The following PIK3C3 variants were observed in gnomAD, a reference collection of about 807,000 sequenced individuals.
The protein encoded by PIK3C3 is phosphatidylinositol 3-kinase catalytic subunit type 3.
PIK3C3 carries 95 observed loss-of-function variants against 126.1 expected under a neutral mutation model. That is an observed-to-expected ratio of 0.75 (90% confidence interval 0.64 to 0.89). The LOEUF (loss-of-function observed/expected upper bound fraction) is 0.89. PIK3C3 is among the 40% of genes least tolerant of loss of function. PIK3C3 has a pLI of 0.00. For synonymous variants in PIK3C3, 374 were observed against 360.0 expected, an observed-to-expected ratio of 1.04 and a Z score of -0.44; for missense variants, 829 against 1,063.2, an observed-to-expected ratio of 0.78 and a Z score of 3.06.
chr18:41,973,903 C>G (rs1336790293), intron 4 of PIK3C3, among the ~76,000 whole-genome samples: 5 of 152,074 alleles, frequency 3.3e-5, no homozygotes, highest in East Asian at 1.9e-4. Flanking sequence ...TTTCTTGTTG[C>G]AACTTTTATT....
At chr18:42,009,551 T>G (rs1476786584) in intron 10 of PIK3C3, among the ~76,000 whole-genome samples, 1 of 152,106 alleles carries the variant, frequency 6.6e-6, no homozygotes, top group Non-Finnish European at 1.5e-5. Context: ...TGCTGTATGT[T>G]TATATAGTAA....
chr18:42,009,772 A>G (rs1024570450), intron 10 of PIK3C3, among the ~76,000 whole-genome samples: 1 of 150,166 alleles, frequency 6.7e-6, no homozygotes, highest in South Asian at 2.1e-4. Flanking sequence ...ATGCTTACAT[A>G]ATGTAAGCAT....
At chr18:42,037,139 T>C (rs1984092035) in intron 16 of PIK3C3, among the ~76,000 whole-genome samples, 1 of 152,144 alleles carries the variant, frequency 6.6e-6, no homozygotes, top group Non-Finnish European at 1.5e-5. Flanking sequence ...TTGCAAGCAT[T>C]TCTGTTATGG....
intron 10 of PIK3C3, among the ~76,000 whole-genome samples, chr18:42,010,510 C>T (rs1364274261): frequency 2.0e-5 from 3 of 152,110 alleles, no homozygotes; most frequent in Admixed American, 6.5e-5. Flanking sequence ...AGATTACAGG[C>T]GTATGCCACT....
chr18:42,076,178 G>C (rs1237905318), intron 24 of PIK3C3, among the ~76,000 whole-genome samples: 1 of 80,092 alleles, frequency 1.2e-5, no homozygotes, highest in Non-Finnish European at 2.3e-5. Flanking sequence ...ATATATATAT[G>C]CACATATATA....
chr18:42,076,088 G>GCATATATATATATGCA (rs1555643317), intron 24 of PIK3C3, among the ~76,000 whole-genome samples: 20 of 44,732 alleles, frequency 4.5e-4, no homozygotes, highest in Non-Finnish European at 7.4e-4. Context: ...GCTTTACCTT[G>GCATATATATATATGCA]CATATATATA....
intron 10 of PIK3C3, among the ~76,000 whole-genome samples, chr18:42,005,342 C>G (rs1982493161): frequency 6.6e-6 from 1 of 152,120 alleles, no homozygotes; most frequent in African/African-American, 2.4e-5. Context: ...AGAAAAGGTA[C>G]AGTAAAAACA....
chr18:41,995,845 C>T (rs773484132), intron 7 of PIK3C3, 45 bp from the exon 8 acceptor site: 7 of 1,338,524 alleles, frequency 5.2e-6, no homozygotes, highest in Non-Finnish European at 2.1e-6. Context: ...TTGAAATTTC[C>T]TTTTGGTGAA....
chr18:41,957,155 T>G (rs1174020975), intron 1 of PIK3C3, among the ~76,000 whole-genome samples: 1 of 152,234 alleles, frequency 6.6e-6, no homozygotes, highest in African/African-American at 2.4e-5. Context: ...CTTCTGGGCT[T>G]CTTTGTCCAC....
intron 20 of PIK3C3, among the ~76,000 whole-genome samples, chr18:42,045,213 T>C (rs1432318082): frequency 1.3e-5 from 2 of 152,252 alleles, no homozygotes; most frequent in Non-Finnish European, 2.9e-5. Context: ...TGAATTTGTT[T>C]GTAAACGTGA....
intron 4 of PIK3C3, among the ~76,000 whole-genome samples, chr18:41,973,705 T>C (rs1980780100): frequency 6.6e-6 from 1 of 152,084 alleles, no homozygotes; most frequent in Admixed American, 6.6e-5. Context: ...CTCAAAACGT[T>C]TTGAAATTGT....
intron 8 of PIK3C3, 51 bp from the exon 9 acceptor site, chr18:41,996,587 A>G (rs766067540): frequency 6.4e-6 from 5 of 784,506 alleles, no homozygotes; most frequent in South Asian, 3.7e-5. Context: ...ATGGAAATAT[A>G]TAGGACATGT....
intron 20 of PIK3C3, among the ~76,000 whole-genome samples, chr18:42,045,776 G>A (rs1173842542): frequency 6.6e-6 from 1 of 152,114 alleles, no homozygotes; most frequent in Non-Finnish European, 1.5e-5. Flanking sequence ...ATTTCCATTA[G>A]TACGTTATTA....
chr18:41,986,527 T>C (rs1981485547), intron 4 of PIK3C3, among the ~76,000 whole-genome samples: 1 of 152,060 alleles, frequency 6.6e-6, no homozygotes, highest in Admixed American at 6.6e-5. Flanking sequence ...TTGATGTGGG[T>C]TCAGAAAGGA....
At chr18:41,991,292 G>T (rs369240341) in intron 6 of PIK3C3, among the ~76,000 whole-genome samples, 1 of 152,130 alleles carries the variant, frequency 6.6e-6, no homozygotes, top group Non-Finnish European at 1.5e-5. Context: ...GGTTGGCTGC[G>T]TGGGAAGATT....
At chr18:42,065,286 T>C (rs995942672) in intron 23 of PIK3C3, among the ~76,000 whole-genome samples, 1 of 152,132 alleles carries the variant, frequency 6.6e-6, no homozygotes, top group African/African-American at 2.4e-5. Context: ...AGAAACACCC[T>C]GAGATGACCC....
chr18:42,008,402 A>C (rs1225334141), intron 10 of PIK3C3, among the ~76,000 whole-genome samples: 2 of 152,204 alleles, frequency 1.3e-5, no homozygotes, highest in East Asian at 3.8e-4. Context: ...GGAAGAATGG[A>C]AAGTATGTCA....
chr18:42,025,556 C>T (rs1023667793), intron 13 of PIK3C3: 1 of 152,130 alleles, frequency 6.6e-6, no homozygotes, highest in African/African-American at 2.4e-5. Flanking sequence ...AGTTTGTGAA[C>T]CCTGCTACAT....
At chr18:41,977,519 A>G (rs188976479) in intron 4 of PIK3C3, among the ~76,000 whole-genome samples, 10 of 151,642 alleles carry the variant, frequency 6.6e-5, no homozygotes, top group African/African-American at 1.7e-4. Context: ...TTTTTGAGAC[A>G]CAGTCTCACT....
Sources: allele counts gnomAD v4.1 joint callset (sites outside exome capture counted in the v4.1 genomes callset), GRCh38; gene constraint gnomAD v4.1.1; transcripts MANE v1.5; gene names NCBI Gene and HGNC (gene_info 2026-07-23, HGNC 2026-07-21).